Variants in SCLT1 observed in about 807,000 individuals in gnomAD.
The protein encoded by SCLT1 is sodium channel-associated protein 1.
In SCLT1, 78 loss-of-function variants were observed where a neutral mutation model predicts 112.8. That is an observed-to-expected ratio of 0.69 (90% CI 0.58 to 0.83). SCLT1 has a LOEUF of 0.83. SCLT1 is among the 40% of genes least tolerant of loss of function. The pLI is 0.00. For missense variants in SCLT1, 747 were observed against 770.4 expected (o/e 0.97, Z 0.36); for synonymous variants, 257 against 254.7 (o/e 1.01, Z -0.09).
chr4:129,039,949 T>C (rs954995685), intron 4 of SCLT1: 45 of 466,674 alleles, frequency 9.6e-5, no homozygotes, highest in Non-Finnish European at 1.5e-4. Context: ...TGAATTTACA[T>C]GTAAAAGCAT....
intron 5 of SCLT1, among the ~76,000 whole-genome samples, chr4:129,022,057 G>A (rs917244058): frequency 6.6e-6 from 1 of 152,144 alleles, no homozygotes; most frequent in African/African-American, 2.4e-5. Context: ...TGCAGAAGAG[G>A]GGCCTGTTAG....
intron 2 of SCLT1, among the ~76,000 whole-genome samples, chr4:129,078,147 A>C (rs559511013): frequency 1.3e-5 from 2 of 152,362 alleles, no homozygotes; most frequent in South Asian, 4.1e-4. Flanking sequence ...TTAGCTTCAC[A>C]AAAGTAAAGC....
intron 19 of SCLT1, among the ~76,000 whole-genome samples, chr4:128,889,159 C>T (rs766169995): frequency 2.0e-5 from 3 of 152,202 alleles, no homozygotes; most frequent in Admixed American, 6.5e-5. Context: ...TTCCCCAAGA[C>T]ATCTGCATAC....
intron 13 of SCLT1, among the ~76,000 whole-genome samples, chr4:128,953,299 A>T (rs1276185786): frequency 6.6e-6 from 1 of 152,168 alleles, no homozygotes; most frequent in African/African-American, 2.4e-5. Flanking sequence ...TACTTTTGCA[A>T]ATTTCCTTAA....
chr4:129,006,598 T>C (rs927637518), intron 5 of SCLT1, among the ~76,000 whole-genome samples: 2 of 152,090 alleles, frequency 1.3e-5, no homozygotes, highest in Non-Finnish European at 2.9e-5. Context: ...CCATTGATTA[T>C]TAAGATAATT....
rs1481337872 is a variant in SCLT1 at position 128,992,167 on chromosome 4, C to T, written c.686G>A (p.Arg229Lys). Residue 229 changes from arginine (R) to lysine (K), a missense_variant and splice_region_variant, in exon 9 of 21, where the codon AGG (arginine) becomes AAG (lysine). Arg to Lys is a conservative substitution (Grantham distance 26). Transcript: ENST00000281142. The stretch of plus-strand genomic sequence containing the variant: ...TAATGAAACTCATTTTTGAAAATAC[C>T]TAAGTTTTTTTCGGAGTTGTTCGAT... ...VIIEQLRKKL[R>K]QAKLELRVAV... The T allele has an allele frequency of 6.4e-7, 1 of 1,568,610 alleles. No homozygotes were observed. Among genetic ancestry groups the T allele is most frequent in the Non-Finnish European group, 8.7e-7 (1 of 1,146,894 alleles).
chr4:128,986,485 C>T (rs1742105814), intron 9 of SCLT1, among the ~76,000 whole-genome samples: 1 of 152,152 alleles, frequency 6.6e-6, no homozygotes, highest in Non-Finnish European at 1.5e-5. Flanking sequence ...ACAGTGTGAC[C>T]AGCAGTGGCA....
chr4:129,072,009 T>C (rs1330154537), intron 2 of SCLT1, among the ~76,000 whole-genome samples: 2 of 152,192 alleles, frequency 1.3e-5, no homozygotes, highest in Non-Finnish European at 1.5e-5. Context: ...AGTGGTGGCT[T>C]GGTAATGGTG....
intron 2 of SCLT1, among the ~76,000 whole-genome samples, chr4:129,045,769 CAAAG>C (rs1490324827): frequency 9.9e-5 from 15 of 151,886 alleles, no homozygotes; most frequent in Non-Finnish European, 2.1e-4. Context: ...AAATATAACT[CAAAG>C]AAGCCTCTGA....
At chr4:128,954,918 A>G (rs938797491) in intron 13 of SCLT1, among the ~76,000 whole-genome samples, 1 of 152,206 alleles carries the variant, frequency 6.6e-6, no homozygotes, top group Non-Finnish European at 1.5e-5. Flanking sequence ...GCTCTCTCAC[A>G]TAATTTCTAA....
chr4:129,002,724 T>C (rs4466058), intron 6 of SCLT1, among the ~76,000 whole-genome samples: 110,062 of 152,072 alleles, frequency 0.72, 41,769 homozygotes, highest in South Asian at 0.9. Flanking sequence ...CAAATCAAAA[T>C]GACAATAGAA....
In SCLT1 at chr4:128,943,073, C is replaced by T. The variant is rs1233977911; in HGVS notation, c.1555G>A (p.Glu519Lys). Residue 519 changes from glutamate (E) to lysine (K), a missense_variant, in exon 17 of 21, where the codon GAA (glutamate) becomes AAA (lysine). Glu to Lys is a moderately conservative substitution (Grantham distance 56). Coordinates refer to ENST00000281142, the MANE Select transcript of SCLT1 (RefSeq NM_144643.4). Reference protein sequence around the residue: ...VSEQRLKLQQENKQLRKETES... With the variant: ...VSEQRLKLQQKNKQLRKETES... The stretch of plus-strand genomic sequence containing the variant: ...GTCTCTTTCCGTAACTGTTTATTTT[C>T]TTGCTGAAGTTTTAGCCTTTGTTCA... 2 of 1,613,146 alleles carry T rather than the reference C, an allele frequency of 1.2e-6. No individual in the cohort carries two copies. The highest frequency in any genetic ancestry group is 2.2e-5 in the East Asian group (1 of 44,810).
intron 5 of SCLT1, among the ~76,000 whole-genome samples, chr4:129,029,329 A>G (rs905516069): frequency 6.6e-6 from 1 of 152,118 alleles, no homozygotes; most frequent in African/African-American, 2.4e-5. Context: ...CATATACACC[A>G]TGGAATACTA....
At chr4:128,995,884 T>A (rs1230736934) in intron 8 of SCLT1, among the ~76,000 whole-genome samples, 5 of 152,018 alleles carry the variant, frequency 3.3e-5, no homozygotes, top group East Asian at 3.9e-4. Flanking sequence ...TGAATTTTCA[T>A]CTACTTACTC....
intron 9 of SCLT1, among the ~76,000 whole-genome samples, chr4:128,982,882 T>G (rs1393942533): frequency 6.6e-6 from 1 of 151,976 alleles, no homozygotes; most frequent in Non-Finnish European, 1.5e-5. Context: ...AATGCTTTAC[T>G]TAGTCTTTTT....
chr4:129,068,296 C>T (rs1750673785), intron 2 of SCLT1, among the ~76,000 whole-genome samples: 1 of 152,158 alleles, frequency 6.6e-6, no homozygotes, highest in South Asian at 2.1e-4. Flanking sequence ...GGAATCTCCA[C>T]ACTGATTTCC....
At chr4:129,073,055 T>C (rs991760784) in intron 2 of SCLT1, among the ~76,000 whole-genome samples, 3 of 152,190 alleles carry the variant, frequency 2.0e-5, no homozygotes, top group Non-Finnish European at 4.4e-5. Flanking sequence ...AGTCTATCTG[T>C]AGTGATTGCT....
intron 18 of SCLT1, among the ~76,000 whole-genome samples, chr4:128,903,523 T>C (rs1490105135): frequency 6.6e-6 from 1 of 152,194 alleles, no homozygotes; most frequent in Non-Finnish European, 1.5e-5. Context: ...TACTGAGGAA[T>C]TTATCAGAAA....
chr4:128,877,548 G>C (rs1052983229), intron 3 of SCLT1, among the ~76,000 whole-genome samples: 1 of 152,114 alleles, frequency 6.6e-6, no homozygotes, highest in African/African-American at 2.4e-5. Flanking sequence ...AGGCGTGGTG[G>C]CACACGCCTG....
Sources: allele counts gnomAD v4.1 joint callset (sites outside exome capture counted in the v4.1 genomes callset), GRCh38; gene constraint gnomAD v4.1.1; transcripts MANE v1.5; gene names NCBI Gene and HGNC (gene_info 2026-07-23, HGNC 2026-07-21).